The following SMARCAD1 variants were observed in gnomAD, a reference collection of about 807,000 sequenced individuals.
SMARCAD1 encodes the protein SNF2 related chromatin remodeling ATPase with DExD box 1, also known as SWI/SNF-related matrix-associated actin-dependent regulator of chromatin subfamily A containing DEAD/H box 1.
A neutral mutation model predicts 127.1 loss-of-function variants in SMARCAD1; 25 were observed. The ratio of observed to expected loss-of-function variants is 0.20; its 90% CI spans 0.14 to 0.27. The LOEUF (loss-of-function observed/expected upper bound fraction) is 0.27. Among genes scored for constraint, SMARCAD1 ranks in the 10% least tolerant of loss-of-function variants. SMARCAD1 has a pLI of 1.00. For missense variants in SMARCAD1, 807 were observed against 1,206.0 expected, an observed-to-expected ratio of 0.67 and a Z score of 4.90; for synonymous variants, 400 against 396.9, an observed-to-expected ratio of 1.01 and a Z score of -0.09.
At chr4:94,248,418 G>A (rs1402830412) in intron 6 of SMARCAD1, 2 of 455,492 alleles carry the variant, frequency 4.4e-6, no homozygotes, top group Non-Finnish European at 8.8e-6. Flanking sequence ...ACTTGGATCT[G>A]TTCCCTCCTC....
chr4:94,258,364 G>A (rs768157974), intron 9 of SMARCAD1, among the ~76,000 whole-genome samples: 5 of 151,834 alleles, frequency 3.3e-5, no homozygotes, highest in East Asian at 3.9e-4. Context: ...GATGTTGGCC[G>A]GGCTGGTCTT....
chr4:94,253,426 G>A, intron 9 of SMARCAD1: 1 of 1,211,654 alleles, frequency 8.3e-7, no homozygotes, highest in Non-Finnish European at 1.0e-6. Flanking sequence ...AATAGCAACG[G>A]CCAGGGGAGC....
At chr4:94,229,222 C>T (rs1002475871) in intron 3 of SMARCAD1, among the ~76,000 whole-genome samples, 2 of 152,102 alleles carry the variant, frequency 1.3e-5, no homozygotes, top group African/African-American at 2.4e-5. Flanking sequence ...AGCTTTCACT[C>T]AGTAGTTGTA....
chr4:94,281,085 AT>A (rs1231808700), intron 20 of SMARCAD1, among the ~76,000 whole-genome samples: 2 of 152,210 alleles, frequency 1.3e-5, no homozygotes, highest in Admixed American at 6.5e-5. Flanking sequence ...TAAAGACACT[AT>A]TTGTTAGTTA....
At chr4:94,218,217 G>A (rs1381940668) in intron 2 of SMARCAD1, among the ~76,000 whole-genome samples, 2 of 151,770 alleles carry the variant, frequency 1.3e-5, no homozygotes, top group South Asian at 2.1e-4. Flanking sequence ...TAGGTTTAAC[G>A]CTTTTGCCTT....
chr4:94,289,578 G>T lies in SMARCAD1; in HGVS notation c.*44G>T. On this transcript the variant is annotated 3_prime_UTR_variant, in exon 24 of 24. Coordinates refer to ENST00000354268, the MANE Select transcript of SMARCAD1 (RefSeq NM_020159.5). ...TCAATTGATGAGGAAATATCAACTT[G>T]GTGCACTCAAGGACATTTACATTAT... 6.9e-7 allele frequency: 1 copy of T among 1,458,868 alleles called. No individual in the cohort carries two copies. The highest frequency in any genetic ancestry group is 1.1e-5 in the South Asian group (1 of 87,982). The allele number at this position is 1,458,868 out of a possible 1,614,324, so 90.4% of individuals were successfully genotyped here. A position where few individuals can be genotyped will look rare whatever the true frequency, so the allele number is the denominator to read the frequency against.
intron 2 of SMARCAD1, among the ~76,000 whole-genome samples, chr4:94,224,269 A>T (rs921881044): frequency 1.3e-5 from 2 of 152,222 alleles, no homozygotes; most frequent in African/African-American, 4.8e-5. Flanking sequence ...ATTGTAGGAA[A>T]TAGAGAAATG....
chr4:94,217,088 T>C (rs1032080170), intron 2 of SMARCAD1, among the ~76,000 whole-genome samples: 3 of 152,198 alleles, frequency 2.0e-5, no homozygotes, highest in Non-Finnish European at 4.4e-5. Context: ...CTCTCCAACC[T>C]TGTTATTTCC....
chr4:94,271,749 G>A (rs1465040361), intron 11 of SMARCAD1, among the ~76,000 whole-genome samples: 1 of 152,136 alleles, frequency 6.6e-6, no homozygotes, highest in East Asian at 1.9e-4. Flanking sequence ...AATCAGACCT[G>A]GGTTTGGGGT....
At chr4:94,258,316 G>A (rs569372124) in intron 9 of SMARCAD1, among the ~76,000 whole-genome samples, 33 of 151,780 alleles carry the variant, frequency 2.2e-4, no homozygotes, top group Middle Eastern at 3.4e-3. Flanking sequence ...CACCACACCC[G>A]GTTAATTTTT....
intron 6 of SMARCAD1, 136 bp downstream of exon 6, chr4:94,241,142 C>T (rs1474305970): frequency 4.5e-6 from 3 of 659,686 alleles, no homozygotes; most frequent in Admixed American, 2.5e-5. Context: ...TTTACGTCTA[C>T]ATTTAATTTG....
chr4:94,247,894 A>G (rs895183537), intron 6 of SMARCAD1, among the ~76,000 whole-genome samples: 1 of 152,238 alleles, frequency 6.6e-6, no homozygotes. Flanking sequence ...GTTTGTTACA[A>G]ACGTATATTG....
In SMARCAD1 at chr4:94,276,390, G is replaced by A. The variant is rs1251634879; in HGVS notation, c.1860G>A (p.Leu620=). Residue 620 remains leucine, a synonymous_variant, in exon 15 of 24, where the codon CTG becomes CTA. Transcript: ENST00000354268. ...SSDDRSLFRR[L]KLNYAIFDEG... is the part of the protein sequence containing the mutation. ...ATGACCGTAGTCTGTTTCGACGGCT[G>A]AAACTTAATTACGCAATTTTTGATG... 8 of 1,614,032 alleles carry A rather than the reference G, an allele frequency of 5.0e-6. No homozygotes were observed. Among genetic ancestry groups the A allele is most frequent in the Non-Finnish European group, 6.8e-6 (8 of 1,180,032 alleles).
intron 23 of SMARCAD1, among the ~76,000 whole-genome samples, chr4:94,286,554 G>A (rs1482880804): frequency 2.0e-5 from 3 of 151,970 alleles, no homozygotes; most frequent in Admixed American, 1.3e-4. Flanking sequence ...TTCTTTCATC[G>A]TTTTCTTTCA....
chr4:94,251,664 C>CT (rs1290604734), intron 8 of SMARCAD1, among the ~76,000 whole-genome samples: 1 of 151,960 alleles, frequency 6.6e-6, no homozygotes, highest in African/African-American at 2.4e-5. Context: ...CTGTGTAAGT[C>CT]TAATAGCTTT....
chr4:94,210,023 T>A (rs919393938), intron 2 of SMARCAD1, among the ~76,000 whole-genome samples: 10 of 152,238 alleles, frequency 6.6e-5, no homozygotes, highest in Non-Finnish European at 1.2e-4. Flanking sequence ...TCTCTGAAAG[T>A]GAAAGCAGTT....
chr4:94,285,246 GTTTC>G (rs923156014), intron 23 of SMARCAD1, among the ~76,000 whole-genome samples, 177 bp downstream of exon 23: 14 of 152,132 alleles, frequency 9.2e-5, no homozygotes, highest in African/African-American at 3.4e-4. Context: ...TTTTTTTGAA[GTTTC>G]TTAAGTTCAA....
At chr4:94,235,683 G>C (rs1746552699) in intron 4 of SMARCAD1, among the ~76,000 whole-genome samples, 1 of 148,114 alleles carries the variant, frequency 6.8e-6, no homozygotes. Flanking sequence ...GTAGACATGA[G>C]GGCTAAAGTA....
At chr4:94,281,289 G>A (rs1432920034) in intron 20 of SMARCAD1, among the ~76,000 whole-genome samples, 183 bp from the exon 21 acceptor site, 1 of 152,158 alleles carries the variant, frequency 6.6e-6, no homozygotes, top group East Asian at 1.9e-4. Flanking sequence ...TTCATATATA[G>A]GCTGCAATAA....
Sources: allele counts gnomAD v4.1 joint callset (sites outside exome capture counted in the v4.1 genomes callset), GRCh38; gene constraint gnomAD v4.1.1; transcripts MANE v1.5; gene names NCBI Gene and HGNC (gene_info 2026-07-23, HGNC 2026-07-21).